Variants in IL13 observed in about 807,000 individuals in gnomAD.
IL13 encodes interleukin 13.
In IL13, 9 loss-of-function variants were observed where a neutral mutation model predicts 11.1. That is an observed-to-expected ratio of 0.81 (90% CI 0.49 to 1.42). The LOEUF is 1.42. IL13 is among the 40% of genes most tolerant of loss of function. The pLI, the probability that IL13 is intolerant of heterozygous loss-of-function variation, is 0.00. For synonymous variants in IL13, 75 were observed against 76.9 expected, an observed-to-expected ratio of 0.97 and a Z score of 0.13; for missense variants, 181 against 182.5, an observed-to-expected ratio of 0.99 and a Z score of 0.05.
Position 132,659,828 on chromosome 5 carries a change from G to T in IL13, c.333G>T (p.Gly111=). 1 of 1,613,436 alleles carries T rather than the reference G, an allele frequency of 6.2e-7. No homozygotes were observed. The highest frequency in any genetic ancestry group is 1.1e-5 in the South Asian group (1 of 91,050). ...TCTGCCCGCACAAGGTCTCAGCTGG[G>T]GTAAGGCATCCCCCACCCTCTCACA... ...SGFCPHKVSA[G]QFSSLHVRDT... is the part of the protein sequence containing the mutation. Residue 111 remains glycine (G), a splice_region_variant and synonymous_variant, in exon 3 of 4, where the codon GGG becomes GGT. Transcript: ENST00000304506. The surrounding 1 kb of genome is among the most constrained non-coding windows in gnomAD (Gnocchi z 4.1).
upstream of IL13, among the ~76,000 whole-genome samples, chr5:132,657,904 G>A (rs1163099227): frequency 6.6e-6 from 1 of 152,102 alleles, no homozygotes; most frequent in East Asian, 1.9e-4. Flanking sequence ...GGAACTCAGG[G>A]CAGCATTGCA....
At chr5:132,658,466 C>A in intron 1 of IL13, 106 bp downstream of exon 1, 1 of 646,650 alleles carries the variant, frequency 1.5e-6, no homozygotes, top group Non-Finnish European at 2.6e-6. Context: ...GCCTGTAGGT[C>A]AGGAAAAATC....
In IL13 at chr5:132,659,324, G is replaced by A. The variant is rs1405686023; in HGVS notation, c.175-94G>A. 2 of 854,074 alleles carry A rather than the reference G, an allele frequency of 2.3e-6. No homozygotes were observed. Among genetic ancestry groups the A allele is most frequent in the Non-Finnish European group, 2.0e-6 (1 of 511,014 alleles). The allele number at this position is 854,074 out of a possible 1,614,324, so 52.9% of individuals were successfully genotyped here. The stretch of plus-strand genomic sequence containing the variant: ...CCTCTGTGCCACACCAGGGATGCTT[G>A]TGGGGCCTGTGCTGGGGCAGACCTG... On this transcript the variant is annotated intron_variant, in intron 1 of 3. Coordinates refer to ENST00000304506, the MANE Select transcript of IL13 (RefSeq NM_002188.3). The surrounding 1 kb of genome is among the most constrained non-coding windows in gnomAD (Gnocchi z 4.1).
At chr5:132,657,432 G>T (rs2069741), upstream of IL13, among the ~76,000 whole-genome samples, 1 of 152,104 alleles carries the variant, frequency 6.6e-6, no homozygotes, top group African/African-American at 2.4e-5. Context: ...TGGGGGGATC[G>T]CTTGAGTCTG....
At chr5:132,658,040 A>C (rs894926573), upstream of IL13, 2 of 564,836 alleles carry the variant, frequency 3.5e-6, no homozygotes, top group African/African-American at 3.8e-5. Context: ...TTTATGCGAC[A>C]CTGGATTTTC....
upstream of IL13, among the ~76,000 whole-genome samples, chr5:132,657,912 G>C (rs764104118): frequency 8.5e-5 from 13 of 152,136 alleles, no homozygotes; most frequent in Non-Finnish European, 1.9e-4. Flanking sequence ...GGGCAGCATT[G>C]CAAATGCCAC....
In IL13 at chr5:132,659,413, C is replaced by T; in HGVS notation, c.175-5C>T. 2 of 1,605,246 alleles carry T rather than the reference C, an allele frequency of 1.2e-6. No individual in the cohort carries two copies. Among genetic ancestry groups the T allele is most frequent in the Non-Finnish European group, 1.7e-6 (2 of 1,175,188 alleles). ...ACTCTGCTCACTGTCACTTTGCTCCCACAGGCTCCGCTCTGCAATGGCAGC... is the reference window on the plus strand; with the variant it reads ...ACTCTGCTCACTGTCACTTTGCTCCTACAGGCTCCGCTCTGCAATGGCAGC... On this transcript the variant is annotated splice_polypyrimidine_tract_variant and splice_region_variant and intron_variant, in intron 1 of 3. Coordinates refer to ENST00000304506, the MANE Select transcript of IL13 (RefSeq NM_002188.3). This position sits in a 1 kb window ranked among gnomAD's most constrained non-coding sequence, Gnocchi z 4.1.
chr5:132,660,082 A>G (rs1752120112), intron 3 of IL13, 93 bp from the exon 4 acceptor site: 1 of 1,355,256 alleles, frequency 7.4e-7, no homozygotes, highest in Non-Finnish European at 1.0e-6. Flanking sequence ...TTCCGTGAGG[A>G]CTGAATGAGA....
intron 3 of IL13, 78 bp from the exon 4 acceptor site, chr5:132,660,097 C>A: frequency 2.1e-6 from 3 of 1,442,278 alleles, no homozygotes; most frequent in Non-Finnish European, 2.9e-6. Context: ...ATGAGACAGT[C>A]CCTGGAAAGC....
Position 132,660,423 on chromosome 5 carries a change from A to G in IL13, c.*141A>G. 3.0e-6 allele frequency: 4 copies of G among 1,353,466 alleles called. No individual in the cohort carries two copies. Among genetic ancestry groups the G allele is most frequent in the Non-Finnish European group, 3.9e-6 (4 of 1,023,124 alleles). 83.8% of individuals were successfully genotyped at this position (1,353,466 alleles called of 1,614,324 possible). On this transcript the variant is annotated 3_prime_UTR_variant, in exon 4 of 4. Transcript: ENST00000304506. ...GGTAAAATTCCTTAGCTTAGACCTC[A>G]GCCTGTGCTGCCCGTCTTCAGCCTA...
In IL13 at chr5:132,658,248, C is replaced by T. The variant is rs78181870; in HGVS notation, c.62C>T (p.Thr21Met). 49 of 1,609,348 alleles carry T rather than the reference C, an allele frequency of 3.0e-5. No homozygotes were observed. Among genetic ancestry groups the T allele is most frequent in the African/African-American group, 9.3e-5 (7 of 74,948 alleles). ...ALGLMALLLT[T>M]VIALTCLGGF... ...GGCCTCATGGCGCTTTTGTTGACCA[C>T]GGTCATTGCTCTCACTTGCCTTGGC... Residue 21 changes from threonine to methionine, a missense_variant, in exon 1 of 4, where the codon ACG becomes ATG. Transcript: ENST00000304506.
upstream of IL13, chr5:132,658,161 C>T (rs375964270): frequency 4.2e-5 from 63 of 1,516,152 alleles, no homozygotes; most frequent in East Asian, 4.8e-4. Flanking sequence ...TGCCACAAGA[C>T]GCCAAGGCCA....
In IL13 at chr5:132,659,458, T is replaced by C. The variant is rs148077750; in HGVS notation, c.215T>C (p.Leu72Pro). The C allele has an allele frequency of 8.1e-5, 131 of 1,611,738 alleles. No homozygotes were observed. In the Middle Eastern group the frequency reaches 1.3e-3, roughly 16 times the overall value. ...CNGSMVWSIN[L>P]TAGMYCAALE... ...GGCAGCATGGTATGGAGCATCAACC[T>C]GACAGCTGGCATGGTAAGGACCTTT... The change falls in exon 2 of 4, where the codon CTG (leucine) becomes CCG (proline). Residue 72 changes from leucine to proline, a missense_variant. Transcript: ENST00000304506. The surrounding 1 kb of genome is among the most constrained non-coding windows in gnomAD (Gnocchi z 4.1).
rs1194035013 is a variant in IL13, at chr5:132,660,292, A to G, written c.*10A>G. Reference sequence around the variant, plus strand: ...GGGACAGTTCAACTGAAACTTCGAAAGCATCATTATTTGCAGAGACAGGAC... The same window carrying G: ...GGGACAGTTCAACTGAAACTTCGAAGGCATCATTATTTGCAGAGACAGGAC... On this transcript the variant is annotated 3_prime_UTR_variant, in exon 4 of 4. Transcript: ENST00000304506. 2 of 1,613,200 alleles carry G rather than the reference A, an allele frequency of 1.2e-6. No homozygotes were observed. Among genetic ancestry groups the G allele is most frequent in the African/African-American group, 2.7e-5 (2 of 74,906 alleles).
rs1307728887 is a variant in IL13 at position 132,660,477 on chromosome 5, G to A, written c.*195G>A. ...GACCTCAGCCTTCCCCTTGCCCAGG[G>A]CTCAGCCTGGTGGGCCTCCTCTGTC... On this transcript the variant is annotated 3_prime_UTR_variant, in exon 4 of 4. Coordinates refer to ENST00000304506, the MANE Select transcript of IL13 (RefSeq NM_002188.3). The A allele has an allele frequency of 8.5e-6, 8 of 945,056 alleles. No homozygotes were observed. The African/African-American group carries it at 1.2e-4, about 14-fold the overall frequency. The allele number at this position is 945,056 out of a possible 1,614,324, so 58.5% of individuals were successfully genotyped here.
chr5:132,659,858 C>T lies in IL13; in HGVS notation c.333+30C>T, dbSNP rs759548576. On this transcript the variant is annotated intron_variant, in intron 3 of 3. Transcript: ENST00000304506. This position sits in a 1 kb window ranked among gnomAD's most constrained non-coding sequence, Gnocchi z 4.1. ...GGCATCCCCCACCCTCTCACACCCA[C>T]CCTGCACCCCCTCCTGCCAACCCTG... The T allele has an allele frequency of 1.2e-6, 2 of 1,608,168 alleles. No individual in the cohort carries two copies. Among genetic ancestry groups the T allele is most frequent in the Non-Finnish European group, 8.5e-7 (1 of 1,177,838 alleles).
In IL13 at chr5:132,660,421, T is replaced by G. The variant is rs1212653614; in HGVS notation, c.*139T>G. On this transcript the variant is annotated 3_prime_UTR_variant, in exon 4 of 4. Transcript: ENST00000304506. ...GGGGTAAAATTCCTTAGCTTAGACC[T>G]CAGCCTGTGCTGCCCGTCTTCAGCC... 3 of 1,368,458 alleles carry G rather than the reference T, an allele frequency of 2.2e-6. No homozygotes were observed. The highest frequency in any genetic ancestry group is 9.7e-7 in the Non-Finnish European group (1 of 1,034,662). 84.8% of individuals were successfully genotyped at this position (1,368,458 alleles called of 1,614,324 possible). A position where few individuals can be genotyped will look rare whatever the true frequency, so the allele number is the denominator to read the frequency against.
At position 132,659,539 on chromosome 5, in the gene IL13, C is replaced by G; in HGVS notation, c.228+68C>G. 1 of 1,561,460 alleles carries G rather than the reference C, an allele frequency of 6.4e-7. No homozygotes were observed. The highest frequency in any genetic ancestry group is 1.1e-5 in the South Asian group (1 of 87,838). ...GGCCTTGGGCTTATCTTCTCTGAGC[C>G]TCCCTTCCATGGCTGGGGTTCCAAG... On this transcript the variant is annotated intron_variant, in intron 2 of 3. Transcript: ENST00000304506. This position sits in a 1 kb window ranked among gnomAD's most constrained non-coding sequence, Gnocchi z 4.1.
In IL13 at chr5:132,659,844, C is replaced by A; in HGVS notation, c.333+16C>A. ...CTCAGCTGGGGTAAGGCATCCCCCA[C>A]CCTCTCACACCCACCCTGCACCCCC... On this transcript the variant is annotated intron_variant, in intron 3 of 3. Coordinates refer to ENST00000304506, the MANE Select transcript of IL13 (RefSeq NM_002188.3). This position sits in a 1 kb window ranked among gnomAD's most constrained non-coding sequence, Gnocchi z 4.1. The A allele has an allele frequency of 6.2e-7, 1 of 1,612,004 alleles. No individual in the cohort carries two copies. The highest frequency in any genetic ancestry group is 8.5e-7 in the Non-Finnish European group (1 of 1,179,602).
Sources: allele counts gnomAD v4.1 joint callset (sites outside exome capture counted in the v4.1 genomes callset), GRCh38; gene constraint gnomAD v4.1.1; non-coding constraint Gnocchi (gnomAD v3.1); transcripts MANE v1.5; gene names NCBI Gene and HGNC (gene_info 2026-07-23, HGNC 2026-07-21).